The following TMTC1 variants were observed in gnomAD, a reference collection of about 807,000 sequenced individuals.
The protein encoded by TMTC1 is transmembrane O-mannosyltransferase targeting cadherins 1.
TMTC1 carries 73 observed loss-of-function variants against 104.8 expected under a neutral mutation model. The ratio of observed to expected loss-of-function variants is 0.70; its 90% CI spans 0.58 to 0.85. The LOEUF (loss-of-function observed/expected upper bound fraction) is 0.85. TMTC1 is among the 40% of genes least tolerant of loss of function. The pLI is 0.00. For missense variants in TMTC1, 1,035 were observed against 1,096.1 expected, an observed-to-expected ratio of 0.94 and a Z score of 0.79; for synonymous variants, 434 against 428.7, an observed-to-expected ratio of 1.01 and a Z score of -0.15.
chr12:29,733,025 C>T lies in TMTC1; in HGVS notation c.938+18641G>A, dbSNP rs951354149. On this transcript the variant is annotated intron_variant, in intron 5 of 17. Transcript: ENST00000539277. Reference sequence around the variant, plus strand: ...ATACTGAGCTTCCCAGTACAGTGAACGTGGACTTGGCTCAAGAAAGACCTG... The same window carrying T: ...ATACTGAGCTTCCCAGTACAGTGAATGTGGACTTGGCTCAAGAAAGACCTG... Among the ~76,000 whole-genome samples, 13 of 152,264 alleles carry T rather than the reference C, an allele frequency of 8.5e-5. No homozygotes were observed. In the East Asian group the frequency reaches 1.9e-3, roughly 23 times the overall value.
chr12:29,768,278 C>A (rs1943519657), intron 1 of TMTC1, among the ~76,000 whole-genome samples: 1 of 152,228 alleles, frequency 6.6e-6, no homozygotes, highest in East Asian at 1.9e-4. Context: ...TGCAGAAATC[C>A]ATGCATATAC....
intron 5 of TMTC1, among the ~76,000 whole-genome samples, chr12:29,680,709 T>C (rs16934747): frequency 0.15 from 22,673 of 152,134 alleles, 1,917 homozygotes; most frequent in East Asian, 0.34. Context: ...GTATGTCTCT[T>C]ATGTGAACAC....
At chr12:29,583,353 T>A in intron 8 of TMTC1, 54 bp downstream of exon 8, 1 of 1,553,378 alleles carries the variant, frequency 6.4e-7, no homozygotes, top group Non-Finnish European at 8.8e-7. Flanking sequence ...TGGAAACAAT[T>A]TGTAAGCAAA....
chr12:29,666,718 T>C (rs555452808), intron 5 of TMTC1, among the ~76,000 whole-genome samples: 1 of 152,338 alleles, frequency 6.6e-6, no homozygotes, highest in East Asian at 1.9e-4. Flanking sequence ...ATGAAATTAG[T>C]CTTTCCAGCT....
At chr12:29,566,512 C>T (rs1945521614) in intron 9 of TMTC1, among the ~76,000 whole-genome samples, 1 of 152,122 alleles carries the variant, frequency 6.6e-6, no homozygotes, top group Admixed American at 6.5e-5. Context: ...CCCATCTCGA[C>T]CTCCACAAGT....
chr12:29,691,834 C>T lies in TMTC1; in HGVS notation c.939-58498G>A, dbSNP rs888266212. On this transcript the variant is annotated intron_variant, in intron 5 of 17. Coordinates refer to ENST00000539277, the MANE Select transcript of TMTC1 (RefSeq NM_001193451.2). Reference sequence around the variant, plus strand: ...GTGTTGGAAGGAAAAACATGAAATTCGGGATTATTTAGTCAACACTAAGAG... The same window carrying T: ...GTGTTGGAAGGAAAAACATGAAATTTGGGATTATTTAGTCAACACTAAGAG... Among the ~76,000 whole-genome samples, 6 of 143,880 alleles carry T rather than the reference C, an allele frequency of 4.2e-5. 2 individuals are homozygous for T. Among genetic ancestry groups the T allele is most frequent in the Admixed American group, 1.4e-4 (2 of 13,902 alleles). The allele number at this position is 143,880 out of a possible 152,430, so 94.4% of individuals were successfully genotyped here. A position where few individuals can be genotyped will look rare whatever the true frequency, so the allele number is the denominator to read the frequency against.
intron 5 of TMTC1, among the ~76,000 whole-genome samples, chr12:29,740,160 T>TGCAC (rs1942786772): frequency 6.6e-6 from 1 of 152,176 alleles, no homozygotes; most frequent in African/African-American, 2.4e-5. Context: ...ACCACAGGTG[T>TGCAC]GCACCACCAT....
At chr12:29,686,673 A>C (rs953013563) in intron 5 of TMTC1, among the ~76,000 whole-genome samples, 5 of 152,092 alleles carry the variant, frequency 3.3e-5, no homozygotes, top group African/African-American at 1.2e-4. Context: ...ACATCAAGCT[A>C]TCTCACCCTG....
At chr12:29,771,051 A>T (rs1943584359) in intron 1 of TMTC1, among the ~76,000 whole-genome samples, 1 of 152,202 alleles carries the variant, frequency 6.6e-6, no homozygotes, top group Admixed American at 6.5e-5. Flanking sequence ...TAATAAATCA[A>T]TGTCTCCTTG....
rs780536432 is a variant in TMTC1, at chr12:29,556,915, C to T, written c.1618G>A (p.Ala540Thr). The T allele has an allele frequency of 1.9e-6, 3 of 1,614,066 alleles. No individual in the cohort carries two copies. The highest frequency in any genetic ancestry group is 2.5e-6 in the Non-Finnish European group (3 of 1,179,944). ...TAEAKMYYQR[A>T]LQLHPQHNRA... is the part of the protein sequence containing the mutation. ...TTATGCTGTGGATGGAGCTGGAGAG[C>T]CCTCTGATAGTACATCTTTGCCTCT... The change falls in exon 10 of 18, where the codon GCT (alanine) becomes ACT (threonine). Residue 540 changes from alanine (A) to threonine (T), a missense_variant. Physicochemically the swap from Ala to Thr is moderately conservative, Grantham distance 58. Transcript: ENST00000539277.
chr12:29,591,044 A>G (rs564588408), intron 7 of TMTC1, among the ~76,000 whole-genome samples: 11 of 152,316 alleles, frequency 7.2e-5, no homozygotes, highest in Middle Eastern at 6.8e-3. Flanking sequence ...ATCAAATAAC[A>G]TGAAAAATGT....
rs367577245 is a variant in TMTC1, at chr12:29,758,713, G to A, written c.545C>T (p.Ser182Leu). The part of the protein sequence containing the change: ...ACLLFLLAFL[S>L]YNRSLDQGCV... The stretch of plus-strand genomic sequence containing the variant: ...TCTTAGCTACACATACCTGTTGTAC[G>A]AGAGAAAGGCCAATAGAAACAGCAG... The change falls in exon 3 of 18, where the codon TCG becomes TTG. Residue 182 changes from serine (S) to leucine (L), a missense_variant. Transcript: ENST00000539277. 23 of 1,613,448 alleles carry A rather than the reference G, an allele frequency of 1.4e-5. No homozygotes were observed. Among genetic ancestry groups the A allele is most frequent in the Middle Eastern group, 1.6e-4 (1 of 6,084 alleles).
chr12:29,517,397 G>T, intron 14 of TMTC1, 30 bp downstream of exon 14: 1 of 1,613,000 alleles, frequency 6.2e-7, no homozygotes, highest in South Asian at 1.1e-5. Flanking sequence ...TGCTTAGGTT[G>T]CCAGCTTCAT....
At chr12:29,601,471 G>A (rs1409691634) in intron 7 of TMTC1, among the ~76,000 whole-genome samples, 1 of 152,176 alleles carries the variant, frequency 6.6e-6, no homozygotes, top group Non-Finnish European at 1.5e-5. Flanking sequence ...AGCTCCTGAA[G>A]AACTAGATAT....
At chr12:29,720,241 G>T (rs1242904921) in intron 5 of TMTC1, among the ~76,000 whole-genome samples, 1 of 152,148 alleles carries the variant, frequency 6.6e-6, no homozygotes, top group East Asian at 1.9e-4. Flanking sequence ...CTTTCTCCTT[G>T]TGTCTTACAA....
chr12:29,781,618 G>A (rs1481295605), intron 1 of TMTC1, among the ~76,000 whole-genome samples: 2 of 152,152 alleles, frequency 1.3e-5, no homozygotes, highest in Non-Finnish European at 2.9e-5. Context: ...CTTAGCCCAG[G>A]AGTTCAACAC....
intron 9 of TMTC1, 34 bp downstream of exon 9, chr12:29,572,071 A>G: frequency 6.4e-7 from 1 of 1,555,880 alleles, no homozygotes; most frequent in South Asian, 1.1e-5. Context: ...TCTTTAAAGC[A>G]CCAAGGCCAA....
chr12:29,569,499 T>C (rs1286874224), intron 9 of TMTC1, among the ~76,000 whole-genome samples: 1 of 152,186 alleles, frequency 6.6e-6, no homozygotes, highest in Non-Finnish European at 1.5e-5. Context: ...TACTCTAAAG[T>C]TGAAGTAGAG....
chr12:29,565,458 C>T (rs147204240), intron 9 of TMTC1, among the ~76,000 whole-genome samples: 393 of 152,248 alleles, frequency 2.6e-3, no homozygotes, highest in African/African-American at 8.7e-3. Flanking sequence ...AAAAGATAGA[C>T]GTAATTTAGG....
Sources: allele counts gnomAD v4.1 joint callset (sites outside exome capture counted in the v4.1 genomes callset), GRCh38; gene constraint gnomAD v4.1.1; transcripts MANE v1.5; gene names NCBI Gene and HGNC (gene_info 2026-07-23, HGNC 2026-07-21).